THSD4: variants seen among roughly 807,000 people sequenced by gnomAD.
THSD4 encodes thrombospondin type 1 domain containing 4.
In THSD4, 69 loss-of-function variants were observed where a neutral mutation model predicts 119.0. That is an observed-to-expected ratio of 0.58 (90% CI 0.48 to 0.71). THSD4 has a LOEUF of 0.71. Ranked by LOEUF, THSD4 falls within the 30% of genes least tolerant of loss-of-function variation. The pLI, the probability that THSD4 is intolerant of heterozygous loss-of-function variation, is 0.00. For missense variants in THSD4, 1,393 were observed against 1,391.1 expected (o/e 1.00, Z -0.02); for synonymous variants, 524 against 540.4 (o/e 0.97, Z 0.42).
At position 71,414,577 on chromosome 15, in the gene THSD4, A is replaced by G. The variant is rs569740366; in HGVS notation, c.1152+2754A>G. Among the ~76,000 whole-genome samples the G allele has an allele frequency of 4.6e-5, 7 of 152,358 alleles. No individual in the cohort carries two copies. In the East Asian group the frequency reaches 1.2e-3, roughly 25 times the overall value. ...AACAAAGAGCCAGAAATATAAATAT[A>G]TGGTGGTAAGATGACTCGGAAGGAA... On this transcript the variant is annotated intron_variant, in intron 7 of 17. Coordinates refer to ENST00000261862, the MANE Select transcript of THSD4 (RefSeq NM_024817.3).
Position 71,681,583 on chromosome 15 carries a change from C to G in THSD4, c.1357+20849C>G, listed in dbSNP as rs146907596. Among the ~76,000 whole-genome samples the G allele has an allele frequency of 5.6e-3, 832 of 147,292 alleles. 8 individuals are homozygous for G. The highest frequency in any genetic ancestry group is 0.019 in the African/African-American group (746 of 39,680). The stretch of plus-strand genomic sequence containing the variant: ...CCAGCTACTCGGGAGGCTGGGGCGG[C>G]AGAATCGATTGAACCGGGGGGGTGG... On this transcript the variant is annotated intron_variant, in intron 8 of 17. Transcript: ENST00000261862.
intron 11 of THSD4, chr15:71,738,314 T>C: frequency 3.4e-6 from 1 of 292,960 alleles, no homozygotes; most frequent in Non-Finnish European, 6.4e-6. Flanking sequence ...CACCCACCAG[T>C]CACCTCCTGC....
In THSD4 at chr15:71,411,749, C is replaced by G. The variant is rs1169596577; in HGVS notation, c.1078C>G (p.Gln360Glu). 1.2e-6 allele frequency: 2 copies of G among 1,613,974 alleles called. No homozygotes were observed. Among genetic ancestry groups the G allele is most frequent in the Non-Finnish European group, 1.7e-6 (2 of 1,180,014 alleles). The change falls in exon 7 of 18, where the codon CAA becomes GAA. Residue 360 changes from glutamine to glutamate, a missense_variant. Coordinates refer to ENST00000261862, the MANE Select transcript of THSD4 (RefSeq NM_024817.3). ...AATGGGCTACCGCTTCTATGTACGG[C>G]AAGCTGAGAAAGTCATCGATGGCAC... ...QAMGYRFYVR[Q>E]AEKVIDGTPC...
At chr15:71,569,573 A>G (rs187715640) in intron 7 of THSD4, among the ~76,000 whole-genome samples, 2 of 152,364 alleles carry the variant, frequency 1.3e-5, no homozygotes, top group East Asian at 3.9e-4. Flanking sequence ...AAAATAGGAC[A>G]TGAGTAAGAC....
rs542221837 is a variant in THSD4, at chr15:71,757,427, T to A, written c.2416-475T>A. On this transcript the variant is annotated intron_variant, in intron 14 of 17. Transcript: ENST00000261862. ...CTTCTTCAGCTGAATATATATATAT[T>A]TTTTTATTTTTATTTTTAGAGACAG... 1.4e-4 allele frequency among the ~76,000 whole-genome samples: 21 copies of A among 150,886 alleles called. No individual in the cohort carries two copies. In the South Asian group the frequency reaches 4.0e-3, roughly 29 times the overall value.
At chr15:71,774,412 A>G (rs917653020) in intron 17 of THSD4, among the ~76,000 whole-genome samples, 3 of 152,102 alleles carry the variant, frequency 2.0e-5, no homozygotes, top group African/African-American at 7.2e-5. Context: ...TTTTTCCATA[A>G]GATTGGCAAG....
At chr15:71,397,258 C>T (rs1227348381) in intron 6 of THSD4, among the ~76,000 whole-genome samples, 1 of 152,170 alleles carries the variant, frequency 6.6e-6, no homozygotes. Flanking sequence ...ATAATAAACT[C>T]CTTCTCCTCT....
intron 4 of THSD4, among the ~76,000 whole-genome samples, chr15:71,234,929 T>C (rs994747443): frequency 3.9e-5 from 6 of 152,224 alleles, no homozygotes; most frequent in African/African-American, 1.4e-4. Context: ...GCACTGAGGA[T>C]CCCCACACTC....
At chr15:71,447,624 G>A (rs2047203807) in intron 7 of THSD4, among the ~76,000 whole-genome samples, 1 of 152,192 alleles carries the variant, frequency 6.6e-6, no homozygotes, top group Non-Finnish European at 1.5e-5. Context: ...CTGGCACATA[G>A]CTACAGGCAT....
In THSD4 at chr15:71,534,050, C is replaced by T. The variant is rs1261150216; in HGVS notation, c.1152+122227C>T. Reference sequence around the variant, plus strand: ...TTGCCCTGGCTGGAGTACATCAGCGCGATCCCAGCTCACCACAGCCTCCTG... The same window carrying T: ...TTGCCCTGGCTGGAGTACATCAGCGTGATCCCAGCTCACCACAGCCTCCTG... On this transcript the variant is annotated intron_variant, in intron 7 of 17. Coordinates refer to ENST00000261862, the MANE Select transcript of THSD4 (RefSeq NM_024817.3). Among the ~76,000 whole-genome samples the T allele has an allele frequency of 3.3e-5, 5 of 152,242 alleles. No individual in the cohort carries two copies. The South Asian group carries it at 6.2e-4, about 19-fold the overall frequency.
At chr15:71,680,750 C>T (rs1268553554) in intron 8 of THSD4, among the ~76,000 whole-genome samples, 2 of 152,256 alleles carry the variant, frequency 1.3e-5, no homozygotes, top group Middle Eastern at 3.4e-3. Flanking sequence ...CAGTCAGTTA[C>T]CTGACCTCTC....
chr15:71,545,240 T>C (rs1243594486), intron 7 of THSD4, among the ~76,000 whole-genome samples: 1 of 152,224 alleles, frequency 6.6e-6, no homozygotes, highest in Non-Finnish European at 1.5e-5. Context: ...AGTGATTCTC[T>C]TTTGAATTTT....
intron 4 of THSD4, among the ~76,000 whole-genome samples, chr15:71,218,325 A>G (rs1165237073): frequency 6.6e-6 from 1 of 152,132 alleles, no homozygotes; most frequent in Admixed American, 6.5e-5. Flanking sequence ...GCGGGTGCCA[A>G]CTGAAGGGAT....
chr15:71,215,913 T>G (rs987646455), intron 4 of THSD4, among the ~76,000 whole-genome samples: 2 of 152,344 alleles, frequency 1.3e-5, no homozygotes, highest in East Asian at 1.9e-4. Flanking sequence ...TTCTCCGAAG[T>G]TTTTTGAGTC....
intron 6 of THSD4, among the ~76,000 whole-genome samples, chr15:71,382,509 CCAGT>C (rs1217255345): frequency 6.6e-6 from 1 of 152,100 alleles, no homozygotes; most frequent in Non-Finnish European, 1.5e-5. Flanking sequence ...TTAGTTTTAT[CCAGT>C]CATTCTTTTC....
rs529781154 is a variant in THSD4 at position 71,663,917 on chromosome 15, T to G, written c.1357+3183T>G. Among the ~76,000 whole-genome samples the G allele has an allele frequency of 2.0e-5, 3 of 152,312 alleles. No individual in the cohort carries two copies. In the East Asian group the frequency reaches 5.8e-4, roughly 29 times the overall value. ...TACTCAGCTATTTGCATAAGTTTGA[T>G]CTGCAGAATAAGCAATATAAAGGAA... is the stretch of plus-strand genomic sequence containing the variant. On this transcript the variant is annotated intron_variant, in intron 8 of 17. Coordinates refer to ENST00000261862, the MANE Select transcript of THSD4 (RefSeq NM_024817.3).
chr15:71,120,263 AAAG>A (rs1456683130), intron 1 of THSD4, among the ~76,000 whole-genome samples: 3 of 152,092 alleles, frequency 2.0e-5, no homozygotes, highest in Admixed American at 2.0e-4. Flanking sequence ...TAGATTGCCC[AAAG>A]AAGAACCCAT....
intron 7 of THSD4, among the ~76,000 whole-genome samples, chr15:71,641,191 A>G (rs1453890171): frequency 6.6e-6 from 1 of 152,128 alleles, no homozygotes; most frequent in African/African-American, 2.4e-5. Flanking sequence ...TATAACATTA[A>G]TCCTTACAGC....
At chr15:71,508,560 G>C (rs778769323) in intron 7 of THSD4, among the ~76,000 whole-genome samples, 1 of 152,166 alleles carries the variant, frequency 6.6e-6, no homozygotes, top group Admixed American at 6.5e-5. Context: ...CCTGCGGCAG[G>C]GGGTGGGGTG....
Sources: gnomAD v4.1 joint callset for allele counts (sites outside exome capture counted in the v4.1 genomes callset) on GRCh38, gnomAD v4.1.1 for gene constraint, MANE v1.5 for transcripts, NCBI Gene and HGNC (gene_info 2026-07-23, HGNC 2026-07-21) for gene names.